Variants in MBNL2 observed in about 807,000 individuals in gnomAD.
MBNL2 encodes muscleblind-like protein 2.
In MBNL2, 17 loss-of-function variants were observed where a neutral mutation model predicts 41.9. The observed-to-expected ratio is 0.41, with a 90% confidence interval of 0.28 to 0.61. The LOEUF is 0.61. Ranked by LOEUF, MBNL2 falls within the 20% of genes least tolerant of loss-of-function variation. The pLI is 0.35. For synonymous variants in MBNL2, 195 were observed against 182.9 expected, an observed-to-expected ratio of 1.07 and a Z score of -0.53; for missense variants, 336 against 505.6, an observed-to-expected ratio of 0.66 and a Z score of 3.22.
At chr13:97,314,634 A>G (rs1313319280) in intron 2 of MBNL2, among the ~76,000 whole-genome samples, 4 of 152,220 alleles carry the variant, frequency 2.6e-5, no homozygotes, top group African/African-American at 9.6e-5. Context: ...CTGGTAGTCA[A>G]TGCTGTCCAA....
intron 8 of MBNL2, among the ~76,000 whole-genome samples, chr13:97,384,281 T>A (rs527297521): frequency 1.3e-5 from 2 of 152,324 alleles, no homozygotes; most frequent in Admixed American, 6.5e-5. Context: ...ATAATTATAA[T>A]TGCTTTAATT....
At chr13:97,272,905 G>A (rs918652425) in intron 1 of MBNL2, among the ~76,000 whole-genome samples, 10 of 152,150 alleles carry the variant, frequency 6.6e-5, no homozygotes, top group African/African-American at 2.4e-4. Context: ...GATTTTCATA[G>A]TAAGTTGAAA....
chr13:97,252,119 G>A (rs1004663566), intron 1 of MBNL2, among the ~76,000 whole-genome samples: 6 of 151,706 alleles, frequency 4.0e-5, no homozygotes, highest in Non-Finnish European at 8.8e-5. Flanking sequence ...CAAAGTGCTG[G>A]GATTACAGGC....
chr13:97,311,342 G>T (rs975768883), intron 2 of MBNL2, among the ~76,000 whole-genome samples: 108 of 152,242 alleles, frequency 7.1e-4, no homozygotes, highest in African/African-American at 2.4e-3. Context: ...GTTCACCAAG[G>T]TTCTAACTAT....
the MBNL2 span, among the ~76,000 whole-genome samples, chr13:97,164,169 G>A: frequency 6.6e-6 from 1 of 152,122 alleles, no homozygotes; most frequent in African/African-American, 2.4e-5. Context: ...ACCATGTCCA[G>A]CTAATTTTTT....
rs11423615 is a variant in MBNL2 at position 97,287,918 on chromosome 13, G to GTTTTTTTTTTTTTTTTT, written c.174+11519_174+11520insTTTTTTTTTTTTTTTTT. On this transcript the variant is annotated intron_variant, in intron 2 of 8. Coordinates refer to ENST00000679496, the MANE Select transcript of MBNL2 (RefSeq NM_001382683.1). ...TGCCACCAGGCCCGGCTAATTTTCT[G>GTTTTTTTTTTTTTTTTT]TTTTTTTTTTGTTTTGTTTTGTTTT... Among the ~76,000 whole-genome samples the GTTTTTTTTTTTTTTTTT allele has an allele frequency of 1.2e-4, 15 of 124,618 alleles. 2 individuals are homozygous for GTTTTTTTTTTTTTTTTT. The highest frequency in any genetic ancestry group is 5.2e-4 in the African/African-American group (15 of 28,778). 81.8% of individuals were successfully genotyped at this position (124,618 alleles called of 152,430 possible).
chr13:97,364,802 G>C (rs745652033), intron 7 of MBNL2, among the ~76,000 whole-genome samples: 1 of 152,152 alleles, frequency 6.6e-6, no homozygotes, highest in Non-Finnish European at 1.5e-5. Flanking sequence ...CTACCTTGGA[G>C]GATTAACTTG....
intron 1 of MBNL2, among the ~76,000 whole-genome samples, chr13:97,267,758 G>A (rs935383912): frequency 6.6e-6 from 1 of 152,204 alleles, no homozygotes; most frequent in African/African-American, 2.4e-5. Context: ...TGGCTGTTTT[G>A]TTGTTTTGTT....
intron 8 of MBNL2, among the ~76,000 whole-genome samples, chr13:97,375,978 G>A (rs1021890609): frequency 1.3e-5 from 2 of 152,020 alleles, no homozygotes; most frequent in Non-Finnish European, 2.9e-5. Context: ...TCAGAAGGTC[G>A]GGTTATGGAG....
At chr13:97,221,918 T>TA (rs2040892896), upstream of MBNL2, among the ~76,000 whole-genome samples, 7 of 152,360 alleles carry the variant, frequency 4.6e-5, no homozygotes, top group East Asian at 1.9e-4. Context: ...ATTTTTCCTT[T>TA]AAAAAACATA....
At chr13:97,190,286 G>A in the MBNL2 span, among the ~76,000 whole-genome samples, 6 of 152,276 alleles carry the variant, frequency 3.9e-5, no homozygotes, top group Admixed American at 6.5e-5. Flanking sequence ...CACTAGCAGC[G>A]ATCCCTAGCA....
Position 97,251,834 on chromosome 13 carries a change from C to CTT in MBNL2, c.-604-23772_-604-23771dup, listed in dbSNP as rs869034692. ...TATTTATTATCTTGTATCCTCAATT[C>CTT]TTTTTTTTTTTTTTTTTTTTTTTTT... On this transcript the variant is annotated intron_variant, in intron 1 of 8. Coordinates refer to ENST00000679496, the MANE Select transcript of MBNL2 (RefSeq NM_001382683.1). Among the ~76,000 whole-genome samples the CTT allele has an allele frequency of 4.7e-3, 325 of 69,606 alleles. 54 individuals carry two copies. Among genetic ancestry groups the CTT allele is most frequent in the East Asian group, 0.026 (50 of 1,930 alleles). 45.7% of individuals were successfully genotyped at this position (69,606 alleles called of 152,430 possible). A position where few individuals can be genotyped will look rare whatever the true frequency, so the allele number is the denominator to read the frequency against.
rs556604341 is a variant in MBNL2, at chr13:97,224,249, A to G, written c.-605+1718A>G. On this transcript the variant is annotated intron_variant, in intron 1 of 8. Coordinates refer to ENST00000679496, the MANE Select transcript of MBNL2 (RefSeq NM_001382683.1). ...GCTCCAGAGCCACTATTTAGGATCCAGGTTGTGCCACCAAGTTCAAGGCTG... is the reference window on the plus strand; with the variant it reads ...GCTCCAGAGCCACTATTTAGGATCCGGGTTGTGCCACCAAGTTCAAGGCTG... Among the ~76,000 whole-genome samples the G allele has an allele frequency of 3.9e-5, 6 of 152,312 alleles. No homozygotes were observed. The East Asian group carries it at 5.8e-4, about 15-fold the overall frequency.
intron 1 of MBNL2, among the ~76,000 whole-genome samples, chr13:97,229,422 A>G (rs2042088651): frequency 1.3e-5 from 2 of 152,090 alleles, no homozygotes; most frequent in South Asian, 2.1e-4. Flanking sequence ...TCCATCTTAT[A>G]TATTATTTAG....
the MBNL2 span, among the ~76,000 whole-genome samples, chr13:97,189,317 G>C: frequency 1.3e-5 from 2 of 152,120 alleles, no homozygotes; most frequent in Non-Finnish European, 2.9e-5. Context: ...GGTTCTACAG[G>C]TACTTGGCAT....
At chr13:97,200,131 C>T in the MBNL2 span, among the ~76,000 whole-genome samples, 1 of 152,238 alleles carries the variant, frequency 6.6e-6, no homozygotes. Flanking sequence ...CCACCTCCAG[C>T]CTCCATGCTG....
chr13:97,187,614 A>G, the MBNL2 span, among the ~76,000 whole-genome samples: 1 of 139,760 alleles, frequency 7.2e-6, no homozygotes, highest in Non-Finnish European at 1.6e-5. Context: ...AAAAAAAAAA[A>G]AAAAAAAAAG....
the MBNL2 span, among the ~76,000 whole-genome samples, chr13:97,162,136 A>T: frequency 6.6e-6 from 1 of 152,162 alleles, no homozygotes; most frequent in African/African-American, 2.4e-5. Context: ...ACCAGATCTC[A>T]TGATAACTCA....
rs530351709 is a variant in MBNL2, at chr13:97,350,925, G to C, written c.804+3858G>C. Among the ~76,000 whole-genome samples the C allele has an allele frequency of 6.6e-5, 10 of 152,288 alleles. 1 individual carries two copies. The highest frequency in any genetic ancestry group is 2.4e-4 in the African/African-American group (10 of 41,566). On this transcript the variant is annotated intron_variant, in intron 5 of 8. Coordinates refer to ENST00000679496, the MANE Select transcript of MBNL2 (RefSeq NM_001382683.1). The stretch of plus-strand genomic sequence containing the variant: ...TCATGAATATTCTTAATGGCATCTA[G>C]AATGGTGAATCCTTTACAGGTTTTC...
Sources: allele counts gnomAD v4.1 joint callset (sites outside exome capture counted in the v4.1 genomes callset), GRCh38; gene constraint gnomAD v4.1.1; transcripts MANE v1.5; gene names NCBI Gene and HGNC (gene_info 2026-07-23, HGNC 2026-07-21).